Variants in NHSL1 observed in about 807,000 individuals in gnomAD.
NHSL1 encodes NHS like 1, also known as NHS-like protein 1.
A neutral mutation model predicts 95.0 loss-of-function variants in NHSL1; 48 were observed. The ratio of observed to expected loss-of-function variants is 0.51; its 90% CI spans 0.40 to 0.64. The LOEUF (loss-of-function observed/expected upper bound fraction) is 0.64. Ranked by LOEUF, NHSL1 falls within the 30% of genes least tolerant of loss-of-function variation. The pLI is 0.00. For synonymous variants in NHSL1, 783 were observed against 833.9 expected, an observed-to-expected ratio of 0.94 and a Z score of 1.05; for missense variants, 1,971 against 2,077.7, an observed-to-expected ratio of 0.95 and a Z score of 1.00.
At chr6:138,596,885 C>A (rs911426017) in intron 1 of NHSL1, among the ~76,000 whole-genome samples, 1 of 151,992 alleles carries the variant, frequency 6.6e-6, no homozygotes, top group African/African-American at 2.4e-5. Context: ...GACAGAAAAA[C>A]TCTCTCAAGC....
At position 138,489,781 on chromosome 6, in the gene NHSL1, G is replaced by GAGAA. The variant is rs1414494035; in HGVS notation, c.211+6434_211+6437dup. On this transcript the variant is annotated intron_variant, in intron 2 of 7. Coordinates refer to ENST00000343505, the MANE Select transcript of NHSL1 (RefSeq NM_001144060.2). ...TGTCTCAAAAAAAAAAAAAAAAAGA[G>GAGAA]AGAAAGAAAGAAAGAAAGAAGAGAG... 1.0e-4 allele frequency among the ~76,000 whole-genome samples: 13 copies of GAGAA among 126,960 alleles called. No individual in the cohort carries two copies. In the South Asian group the frequency reaches 1.6e-3, roughly 15 times the overall value. 83.3% of individuals were successfully genotyped at this position (126,960 alleles called of 152,430 possible). A position where few individuals can be genotyped will look rare whatever the true frequency, so the allele number is the denominator to read the frequency against.
At chr6:138,452,177 A>G (rs1252732180) in intron 3 of NHSL1, among the ~76,000 whole-genome samples, 3 of 152,238 alleles carry the variant, frequency 2.0e-5, no homozygotes, top group Non-Finnish European at 4.4e-5. Flanking sequence ...AACATAAGCC[A>G]TGATTCCTTG....
rs1483556726 is a variant in NHSL1 at position 138,431,407 on chromosome 6, T to G, written c.2938A>C (p.Ile980Leu). Residue 980 changes from isoleucine (I) to leucine (L), a missense_variant, in exon 6 of 8, where the codon ATT becomes CTT. Ile to Leu is a conservative substitution (Grantham distance 5, BLOSUM62 2). Coordinates refer to ENST00000343505, the MANE Select transcript of NHSL1 (RefSeq NM_001144060.2). The surrounding 1 kb of genome is among the most constrained non-coding windows in gnomAD (Gnocchi z 4.0). The part of the protein sequence containing the change: ...VFPPPPPEAL[I>L]PFCSPPDWCL... Reference sequence around the variant, plus strand: ...CAATCAGGTGGGGAGCAGAAAGGAATGAGAGCTTCTGGCGGCGGAGGGGGG... The same window carrying G: ...CAATCAGGTGGGGAGCAGAAAGGAAGGAGAGCTTCTGGCGGCGGAGGGGGG... 1 of 1,547,094 alleles carries G rather than the reference T, an allele frequency of 6.5e-7. No individual in the cohort carries two copies. The highest frequency in any genetic ancestry group is 1.2e-5 in the South Asian group (1 of 83,850).
chr6:138,577,992 G>A (rs1022003442), intron 1 of NHSL1, among the ~76,000 whole-genome samples: 21 of 152,156 alleles, frequency 1.4e-4, no homozygotes, highest in Admixed American at 3.9e-4. Context: ...AGAAGTCATG[G>A]AAGGCAAAAC....
rs57964300 is a variant in NHSL1 at position 138,563,291 on chromosome 6, T to G, written c.202+8419A>C. On this transcript the variant is annotated intron_variant, in intron 1 of 6. Coordinates refer to the NHSL1 transcript ENST00000427025. ...TAAATATTAGCTATTGTTAAGCTTA[T>G]GGATAGGTCGACTGATTCAGACATG... 6.1e-3 allele frequency among the ~76,000 whole-genome samples: 927 copies of G among 152,354 alleles called. 11 individuals carry two copies. The highest frequency in any genetic ancestry group is 0.021 in the African/African-American group (877 of 41,586).
intron 1 of NHSL1, among the ~76,000 whole-genome samples, chr6:138,563,477 G>A (rs903800364): frequency 2.2e-4 from 33 of 152,146 alleles, no homozygotes; most frequent in Admixed American, 2.2e-3. Context: ...CTAGATAATA[G>A]CATAGTCTAC....
intron 2 of NHSL1, among the ~76,000 whole-genome samples, chr6:138,479,649 T>C (rs1457926098): frequency 1.3e-5 from 2 of 152,244 alleles, no homozygotes; most frequent in African/African-American, 2.4e-5. Flanking sequence ...TTTCAGACCA[T>C]GGTTGACTGC....
chr6:138,602,865 A>G (rs1784389187), intron 1 of NHSL1, among the ~76,000 whole-genome samples: 1 of 152,244 alleles, frequency 6.6e-6, no homozygotes, highest in Non-Finnish European at 1.5e-5. Flanking sequence ...ATGCATTAAG[A>G]ATCCATGCCT....
intron 1 of NHSL1, among the ~76,000 whole-genome samples, chr6:138,519,226 A>AT (rs1348067735): frequency 2.0e-5 from 3 of 151,936 alleles, no homozygotes; most frequent in Admixed American, 6.6e-5. Flanking sequence ...CTTCAATAGT[A>AT]TTTTTTTCAA....
At chr6:138,543,443 C>T (rs1399273678) in intron 1 of NHSL1, among the ~76,000 whole-genome samples, 1 of 152,208 alleles carries the variant, frequency 6.6e-6, no homozygotes, top group Non-Finnish European at 1.5e-5. Context: ...GCAGACCTGG[C>T]TTCAGAAAAG....
chr6:138,501,379 T>C (rs145701134), upstream of NHSL1, among the ~76,000 whole-genome samples: 9 of 152,260 alleles, frequency 5.9e-5, no homozygotes, highest in African/African-American at 1.7e-4. Context: ...TTGTGGTATA[T>C]TAGAAGGAGT....
upstream of NHSL1, chr6:138,499,508 T>G: frequency 9.3e-7 from 1 of 1,074,182 alleles, no homozygotes; most frequent in Non-Finnish European, 1.2e-6. Context: ...AAACTCCTAC[T>G]GAAACCTAAT....
At chr6:138,425,526 C>T (rs1163135800) in intron 7 of NHSL1, among the ~76,000 whole-genome samples, 2 of 152,190 alleles carry the variant, frequency 1.3e-5, no homozygotes, top group Non-Finnish European at 2.9e-5. Context: ...TTTGTCTCCA[C>T]CCTCCCTATT....
intron 1 of NHSL1, among the ~76,000 whole-genome samples, chr6:138,690,406 A>G (rs757275297): frequency 6.6e-6 from 1 of 152,102 alleles, no homozygotes; most frequent in Non-Finnish European, 1.5e-5. Context: ...ACTCAGGCAT[A>G]ATTATATTCA....
intron 1 of NHSL1, among the ~76,000 whole-genome samples, chr6:138,558,867 C>A (rs376703912): frequency 6.6e-5 from 10 of 152,178 alleles, no homozygotes; most frequent in South Asian, 6.2e-4. Context: ...CATAGCAAGA[C>A]CCCTTCTCTA....
At chr6:138,685,676 A>G (rs1785576372) in intron 1 of NHSL1, among the ~76,000 whole-genome samples, 1 of 152,134 alleles carries the variant, frequency 6.6e-6, no homozygotes, top group Admixed American at 6.6e-5. Flanking sequence ...ACAGTGAGAC[A>G]TCAATTTCTG....
At chr6:138,649,400 T>C (rs932094059) in intron 1 of NHSL1, among the ~76,000 whole-genome samples, 2 of 151,356 alleles carry the variant, frequency 1.3e-5, no homozygotes, top group African/African-American at 2.4e-5. Context: ...ATAATATATA[T>C]CCTTATTTCC....
chr6:138,473,104 T>C (rs1343767234), intron 3 of NHSL1, among the ~76,000 whole-genome samples: 4 of 152,252 alleles, frequency 2.6e-5, no homozygotes, highest in Non-Finnish European at 5.9e-5. Context: ...GTATTGCAAG[T>C]TTCCTGTGTA....
chr6:138,568,974 A>C (rs1373351756), intron 1 of NHSL1, among the ~76,000 whole-genome samples: 6 of 152,310 alleles, frequency 3.9e-5, no homozygotes, highest in African/African-American at 1.4e-4. Flanking sequence ...TCTGTTTCAG[A>C]AATTGAATGT....
Sources: gnomAD v4.1 joint callset for allele counts (sites outside exome capture counted in the v4.1 genomes callset) on GRCh38, gnomAD v4.1.1 for gene constraint, Gnocchi (gnomAD v3.1) non-coding constraint, MANE v1.5 for transcripts, NCBI Gene and HGNC (gene_info 2026-07-23, HGNC 2026-07-21) for gene names.